The following CA1 variants were observed in gnomAD, a reference collection of about 807,000 sequenced individuals.
CA1 encodes carbonic anhydrase 1.
A neutral mutation model predicts 28.8 loss-of-function variants in CA1; 27 were observed. The observed-to-expected ratio is 0.94, with a 90% confidence interval of 0.69 to 1.29. The LOEUF is 1.29. Among genes scored for constraint, CA1 ranks in the 50% most tolerant of loss-of-function variants. The pLI is 0.00. For synonymous variants in CA1, 121 were observed against 108.8 expected, an observed-to-expected ratio of 1.11 and a Z score of -0.70; for missense variants, 335 against 310.5, an observed-to-expected ratio of 1.08 and a Z score of -0.59.
At chr8:85,332,663 T>G (rs1327672953) in intron 5 of CA1, 111 bp from the exon 6 acceptor site, 1 of 772,630 alleles carries the variant, frequency 1.3e-6, no homozygotes, top group African/African-American at 1.7e-5. Context: ...GTAAGGTATT[T>G]TCTCTCTGCT....
intron 4 of CA1, among the ~76,000 whole-genome samples, chr8:85,335,030 A>C (rs1278971403): frequency 6.8e-6 from 1 of 146,050 alleles, no homozygotes. Context: ...TAAAGACAGT[A>C]TCTGGCATAT....
chr8:85,356,380 A>ATGAAAAG (rs1809606760), intron 1 of CA1, among the ~76,000 whole-genome samples: 2 of 152,154 alleles, frequency 1.3e-5, no homozygotes, highest in Non-Finnish European at 2.9e-5. Context: ...GCACTCAGTG[A>ATGAAAAG]ATGGCAACTT....
At chr8:85,340,593 G>C (rs1245205803) in intron 2 of CA1, among the ~76,000 whole-genome samples, 2 of 152,164 alleles carry the variant, frequency 1.3e-5, no homozygotes, top group Non-Finnish European at 2.9e-5. Context: ...CACTTTGTAA[G>C]GCTGTAGTTC....
At chr8:85,364,323 G>T (rs916399610) in intron 1 of CA1, among the ~76,000 whole-genome samples, 1 of 152,116 alleles carries the variant, frequency 6.6e-6, no homozygotes, top group Admixed American at 6.5e-5. Flanking sequence ...TTTCATCTTT[G>T]CATTGCCATA....
chr8:85,371,117 G>A (rs1243222178), intron 1 of CA1, among the ~76,000 whole-genome samples: 2 of 152,080 alleles, frequency 1.3e-5, no homozygotes, highest in Admixed American at 6.6e-5. Flanking sequence ...GAGTTTAAAG[G>A]AGATTTAAAT....
chr8:85,337,557 G>A (rs180844308), intron 3 of CA1, among the ~76,000 whole-genome samples: 1 of 152,258 alleles, frequency 6.6e-6, no homozygotes, highest in Non-Finnish European at 1.5e-5. Flanking sequence ...GGGACCAAGA[G>A]AGAGTACCAG....
At position 85,334,654 on chromosome 8, in the gene CA1, T is replaced by G. The variant is rs900936524; in HGVS notation, c.355-1034A>C. Among the ~76,000 whole-genome samples, 6 of 147,348 alleles carry G rather than the reference T, an allele frequency of 4.1e-5. No homozygotes were observed. The South Asian group carries it at 9.4e-4, about 23-fold the overall frequency. On this transcript the variant is annotated intron_variant, in intron 4 of 7. Coordinates refer to ENST00000523022, the MANE Select transcript of CA1 (RefSeq NM_001128831.4). ...TTCCTCCCTCCCTTCTTTCCTGCCT[T>G]CCTTCCTCTGAAATTTTTATTTTCC...
chr8:85,363,222 A>C (rs1809867976), intron 1 of CA1, among the ~76,000 whole-genome samples: 1 of 152,252 alleles, frequency 6.6e-6, no homozygotes. Context: ...ATTTTAAAAC[A>C]AAACTTTGCC....
chr8:85,339,453 TG>T (rs1184012942), intron 2 of CA1, among the ~76,000 whole-genome samples: 1 of 152,224 alleles, frequency 6.6e-6, no homozygotes. Context: ...CTTTACTGAC[TG>T]GCTATTCCCC....
intron 1 of CA1, among the ~76,000 whole-genome samples, chr8:85,369,809 A>G (rs1345888061): frequency 6.6e-6 from 1 of 152,198 alleles, no homozygotes; most frequent in African/African-American, 2.4e-5. Context: ...CCTGTTACCC[A>G]TGTTAGTCTG....
Position 85,338,379 on chromosome 8 carries a change from G to A in CA1, c.108C>T (p.Thr36=). The change falls in exon 3 of 8, where the codon ACC becomes ACT. Residue 36 remains threonine (T), a synonymous_variant. Transcript: ENST00000523022. ...GAGAGGTGTCATGTTTGGTTTCACT[G>A]GTTTTAATATCAACAGGGGACTGGT... ...GNNQSPVDIK[T]SETKHDTSLK... 1 of 1,613,898 alleles carries A rather than the reference G, an allele frequency of 6.2e-7. No homozygotes were observed. Among genetic ancestry groups the A allele is most frequent in the Non-Finnish European group, 8.5e-7 (1 of 1,179,844 alleles).
intron 1 of CA1, among the ~76,000 whole-genome samples, chr8:85,370,600 G>A (rs146244290): frequency 6.6e-6 from 1 of 152,078 alleles, no homozygotes; most frequent in East Asian, 1.9e-4. Context: ...TCTCAGTAGA[G>A]ATGCTTTTTA....
At chr8:85,330,579 A>G (rs1454605316) in intron 6 of CA1, among the ~76,000 whole-genome samples, 1 of 152,166 alleles carries the variant, frequency 6.6e-6, no homozygotes, top group African/African-American at 2.4e-5. Flanking sequence ...CTATGAAGTT[A>G]AATGTTGATA....
chr8:85,334,264 A>C (rs557956903), intron 4 of CA1, among the ~76,000 whole-genome samples: 1 of 152,336 alleles, frequency 6.6e-6, no homozygotes, highest in African/African-American at 2.4e-5. Flanking sequence ...TTCTTAGGAT[A>C]AGGTTTTTAA....
At chr8:85,374,560 G>T (rs1459709468) in intron 1 of CA1, among the ~76,000 whole-genome samples, 1 of 152,144 alleles carries the variant, frequency 6.6e-6, no homozygotes, top group Non-Finnish European at 1.5e-5. Context: ...GACATTATCA[G>T]ATACATTCCT....
At chr8:85,373,086 A>G (rs947957732) in intron 1 of CA1, among the ~76,000 whole-genome samples, 5 of 152,230 alleles carry the variant, frequency 3.3e-5, no homozygotes, top group Admixed American at 6.5e-5. Flanking sequence ...ATCTACGGTA[A>G]GAACAAATCT....
In CA1 at chr8:85,344,081, G is replaced by GTATATATATATATATATA. The variant is rs56308220; in HGVS notation, c.-24-2440_-24-2423dup. ...CAGACTCTGCTCTTCTAAACTAAAA[G>GTATATATATATATATATA]TATATATATATATATATACTTTTAA... On this transcript the variant is annotated intron_variant, in intron 1 of 7. Coordinates refer to ENST00000523022, the MANE Select transcript of CA1 (RefSeq NM_001128831.4). Among the ~76,000 whole-genome samples, 2 of 128,572 alleles carry GTATATATATATATATATA rather than the reference G, an allele frequency of 1.6e-5. 1 individual carries two copies. Among genetic ancestry groups the GTATATATATATATATATA allele is most frequent in the East Asian group, 4.5e-4 (2 of 4,440 alleles). The allele number at this position is 128,572 out of a possible 152,430, so 84.3% of individuals were successfully genotyped here.
intron 1 of CA1, among the ~76,000 whole-genome samples, chr8:85,346,395 T>C (rs1465339742): frequency 6.6e-6 from 1 of 152,224 alleles, no homozygotes; most frequent in African/African-American, 2.4e-5. Flanking sequence ...ATGAGTCTTA[T>C]AGAACAGATA....
At chr8:85,354,176 T>A (rs1006963420) in intron 1 of CA1, among the ~76,000 whole-genome samples, 1 of 151,514 alleles carries the variant, frequency 6.6e-6, no homozygotes, top group African/African-American at 2.4e-5. Flanking sequence ...GGTTTCACCA[T>A]GTTGGCCAGG....
Sources: allele counts gnomAD v4.1 joint callset (sites outside exome capture counted in the v4.1 genomes callset), GRCh38; gene constraint gnomAD v4.1.1; transcripts MANE v1.5; gene names NCBI Gene and HGNC (gene_info 2026-07-23, HGNC 2026-07-21).